HSPH1: variants seen among roughly 807,000 people sequenced by gnomAD.
HSPH1 encodes the protein heat shock protein family H (Hsp110) member 1.
Under a neutral mutation model 100.0 loss-of-function variants are expected in HSPH1, and 40 were observed. The ratio of observed to expected loss-of-function variants is 0.40; its 90% CI spans 0.31 to 0.52. The LOEUF (loss-of-function observed/expected upper bound fraction) is 0.52. Ranked by LOEUF, HSPH1 falls within the 20% of genes least tolerant of loss-of-function variation. The pLI is 0.54. For synonymous variants in HSPH1, 403 were observed against 344.0 expected (o/e 1.17, Z -1.90); for missense variants, 876 against 1,015.1 (o/e 0.86, Z 1.86).
Position 31,138,474 on chromosome 13 carries a change from G to C in HSPH1, c.2303C>G (p.Ala768Gly). 1 of 1,613,172 alleles carries C rather than the reference G, an allele frequency of 6.2e-7. No individual in the cohort carries two copies. ...CTGATCAAGACTCTTTTTAGCCTGA[G>C]CATTCATGACATTATTCATCCATTC... Reference protein sequence around the residue: ...VMEWMNNVMNAQAKKSLDQDP... With the variant: ...VMEWMNNVMNGQAKKSLDQDP... The change falls in exon 17 of 18, where the codon GCT (alanine) becomes GGT (glycine). Residue 768 changes from alanine (A) to glycine (G), a missense_variant. Ala to Gly is a moderately conservative substitution (Grantham distance 60, BLOSUM62 0). Coordinates refer to ENST00000320027, the MANE Select transcript of HSPH1 (RefSeq NM_006644.4).
Position 31,141,263 on chromosome 13 carries a change from G to A in HSPH1, c.1717-4C>T. The stretch of plus-strand genomic sequence containing the variant: ...GGTCAACTTTTTTTTCATTTGCCTT[G>A]GGAAGAGGAATAAAAAAAGGAAAAA... On this transcript the variant is annotated splice_region_variant and splice_polypyrimidine_tract_variant and intron_variant, in intron 12 of 17. Coordinates refer to ENST00000320027, the MANE Select transcript of HSPH1 (RefSeq NM_006644.4). The A allele has an allele frequency of 6.3e-7, 1 of 1,580,668 alleles. No homozygotes were observed.
intron 13 of HSPH1, chr13:31,140,600 T>C (rs1425043408): frequency 4.1e-6 from 1 of 244,654 alleles, no homozygotes; most frequent in Non-Finnish European, 7.9e-6. Flanking sequence ...GTAATTTTGT[T>C]TTCTTGTATA....
intron 10 of HSPH1, among the ~76,000 whole-genome samples, chr13:31,146,749 G>A (rs1956277662): frequency 6.6e-6 from 1 of 152,082 alleles, no homozygotes. Context: ...ATACCTCTGA[G>A]GATTAAGTAC....
intron 2 of HSPH1, among the ~76,000 whole-genome samples, chr13:31,156,539 G>C (rs923241597): frequency 6.6e-6 from 1 of 150,562 alleles, no homozygotes; most frequent in Non-Finnish European, 1.5e-5. Flanking sequence ...ACTCTAGCTT[G>C]GGTAACAAGG....
At chr13:31,147,466 G>C (rs1956305722) in intron 10 of HSPH1, among the ~76,000 whole-genome samples, 1 of 152,018 alleles carries the variant, frequency 6.6e-6, no homozygotes, top group Non-Finnish European at 1.5e-5. Context: ...TAGATGGATG[G>C]TGTCAAGTGT....
At chr13:31,138,951 C>G (rs201858010) in intron 15 of HSPH1, 49 bp downstream of exon 15, 1 of 1,581,858 alleles carries the variant, frequency 6.3e-7, no homozygotes, top group Non-Finnish European at 8.7e-7. Context: ...ATTTTAAAGT[C>G]TATAGTTTAA....
At position 31,135,773 on chromosome 13, in the gene HSPH1, T is replaced by G. The variant is rs569495227; in HGVS notation, c.*1545A>C. 1 of 152,254 alleles carries G rather than the reference T, an allele frequency of 6.6e-6. No individual in the cohort carries two copies. The highest frequency in any genetic ancestry group is 1.5e-5 in the Non-Finnish European group (1 of 68,042). 9.4% of individuals were successfully genotyped at this position (152,254 alleles called of 1,614,324 possible). A position where few individuals can be genotyped will look rare whatever the true frequency, so the allele number is the denominator to read the frequency against. Reference sequence around the variant, plus strand: ...TACTAAACCTCATAGTTTGAAGATATTACTCCGTGATGTGTGGAGCACAGA... The same window carrying G: ...TACTAAACCTCATAGTTTGAAGATAGTACTCCGTGATGTGTGGAGCACAGA... On this transcript the variant is annotated 3_prime_UTR_variant, in exon 18 of 18. Coordinates refer to ENST00000320027, the MANE Select transcript of HSPH1 (RefSeq NM_006644.4).
In HSPH1 at chr13:31,137,273, C is replaced by G. The variant is rs1313628658; in HGVS notation, c.*45G>C. 3 of 1,223,924 alleles carry G rather than the reference C, an allele frequency of 2.5e-6. No individual in the cohort carries two copies. The South Asian group carries it at 3.9e-5, about 16-fold the overall frequency. The allele number at this position is 1,223,924 out of a possible 1,614,324, so 75.8% of individuals were successfully genotyped here. ...TGTTATGTAGAGTCACATACTATGG[C>G]AAAAATATTTTATTAATTGAAGGAA... On this transcript the variant is annotated 3_prime_UTR_variant, in exon 18 of 18. Coordinates refer to ENST00000320027, the MANE Select transcript of HSPH1 (RefSeq NM_006644.4).
intron 2 of HSPH1, among the ~76,000 whole-genome samples, chr13:31,157,378 T>C (rs564170775): frequency 9.9e-5 from 15 of 152,224 alleles, no homozygotes; most frequent in Admixed American, 3.3e-4. Context: ...CCCTTTTAGT[T>C]ATCTCTCTCT....
intron 17 of HSPH1, among the ~76,000 whole-genome samples, chr13:31,137,778 C>G (rs1190483845): frequency 1.3e-5 from 2 of 152,070 alleles, no homozygotes; most frequent in African/African-American, 4.8e-5. Context: ...TGTTAAAAGA[C>G]AGAAATTATA....
chr13:31,159,763 C>T (rs1956829897), intron 1 of HSPH1, among the ~76,000 whole-genome samples: 1 of 151,988 alleles, frequency 6.6e-6, no homozygotes, highest in Non-Finnish European at 1.5e-5. Flanking sequence ...CATTAAGTAC[C>T]ACCCTTAAGT....
Position 31,158,874 on chromosome 13 carries a change from AT to A in HSPH1, c.108-12del, listed in dbSNP as rs750124764. 5.3e-6 allele frequency: 8 copies of A among 1,516,644 alleles called. No homozygotes were observed. The highest frequency in any genetic ancestry group is 7.3e-6 in the Non-Finnish European group (8 of 1,092,162). The allele number at this position is 1,516,644 out of a possible 1,614,324, so 93.9% of individuals were successfully genotyped here. On this transcript the variant is annotated splice_polypyrimidine_tract_variant and intron_variant, in intron 1 of 17. Transcript: ENST00000320027. ...AATGATATGACTGACCTAGAAAAAA[AT>A]ATATTCCAAAAAATTAAAAAGCATA...
chr13:31,155,380 T>C, intron 3 of HSPH1, 134 bp downstream of exon 3: 3 of 613,238 alleles, frequency 4.9e-6, no homozygotes. Context: ...TACTATACTT[T>C]AAAAGGAGCT....
In HSPH1 at chr13:31,148,359, T is replaced by C. The variant is rs1434502777; in HGVS notation, c.1244+15A>G. ...TTTACATTATAGTATCTGAATGTTA[T>C]TTTCTGCTACATACCCTTCAGTATC... On this transcript the variant is annotated intron_variant, in intron 9 of 17. Transcript: ENST00000320027. 5 of 1,420,170 alleles carry C rather than the reference T, an allele frequency of 3.5e-6. No individual in the cohort carries two copies. In the South Asian group the frequency reaches 3.6e-5, roughly 10 times the overall value. The allele number at this position is 1,420,170 out of a possible 1,614,324, so 88.0% of individuals were successfully genotyped here. A position where few individuals can be genotyped will look rare whatever the true frequency, so the allele number is the denominator to read the frequency against.
At chr13:31,145,418 G>A (rs879148774) in intron 11 of HSPH1, 145 bp downstream of exon 11, 17 of 640,714 alleles carry the variant, frequency 2.7e-5, no homozygotes, top group South Asian at 2.5e-4. Context: ...CCACTAACCG[G>A]CAAGCGCTAT....
intron 3 of HSPH1, 86 bp from the exon 4 acceptor site, chr13:31,154,841 C>A: frequency 9.0e-7 from 1 of 1,106,254 alleles, no homozygotes; most frequent in Non-Finnish European, 1.3e-6. Flanking sequence ...AGCACACATT[C>A]CCTTCCACAA....
In HSPH1 at chr13:31,137,007, C is replaced by A; in HGVS notation, c.*311G>T. ...AGATTTTAATCACAGCCCTCTTGAA[C>A]AAGCAGTACAGTTTTTTTTCTCCAA... On this transcript the variant is annotated 3_prime_UTR_variant, in exon 18 of 18. Transcript: ENST00000320027. 2.2e-6 allele frequency: 1 copy of A among 447,582 alleles called. No homozygotes were observed. The highest frequency in any genetic ancestry group is 1.9e-5 in the South Asian group (1 of 52,188). The allele number at this position is 447,582 out of a possible 1,614,324, so 27.7% of individuals were successfully genotyped here.
intron 1 of HSPH1, among the ~76,000 whole-genome samples, chr13:31,159,421 C>T (rs1956816226): frequency 6.6e-6 from 1 of 152,138 alleles, no homozygotes; most frequent in African/African-American, 2.4e-5. Flanking sequence ...AAATGATGCA[C>T]AACAAGTACC....
intron 9 of HSPH1, 71 bp from the exon 10 acceptor site, chr13:31,148,163 A>G: frequency 4.9e-6 from 7 of 1,433,226 alleles, no homozygotes; most frequent in South Asian, 2.5e-5. Flanking sequence ...ACACAAACAG[A>G]AAAGAGGCTT....
Sources: allele counts gnomAD v4.1 joint callset (sites outside exome capture counted in the v4.1 genomes callset), GRCh38; gene constraint gnomAD v4.1.1; transcripts MANE v1.5; gene names NCBI Gene and HGNC (gene_info 2026-07-23, HGNC 2026-07-21).